The following ITPKC variants were observed in gnomAD, a reference collection of about 807,000 sequenced individuals.
The protein encoded by ITPKC is inositol-trisphosphate 3-kinase C.
In ITPKC, 33 loss-of-function variants were observed where a neutral mutation model predicts 67.1. The ratio of observed to expected loss-of-function variants is 0.49; its 90% CI spans 0.37 to 0.66. The LOEUF is 0.66. Ranked by LOEUF, ITPKC falls within the 30% of genes least tolerant of loss-of-function variation. The pLI is 0.00. For synonymous variants in ITPKC, 341 were observed against 359.8 expected (o/e 0.95, Z 0.59); for missense variants, 820 against 892.1 (o/e 0.92, Z 1.03).
intron 1 of ITPKC, among the ~76,000 whole-genome samples, chr19:40,721,433 A>G (rs1352350149): frequency 6.6e-6 from 1 of 150,422 alleles, no homozygotes; most frequent in Non-Finnish European, 1.5e-5. Flanking sequence ...TGCAGTGGCG[A>G]GATCTCAGTT....
intron 2 of ITPKC, among the ~76,000 whole-genome samples, chr19:40,726,615 C>T (rs189752343): frequency 6.6e-6 from 1 of 152,082 alleles, no homozygotes; most frequent in African/African-American, 2.4e-5. Context: ...TGGCAAATGG[C>T]GACAGTAAGA....
At position 40,739,557 on chromosome 19, in the gene ITPKC, C is replaced by G; in HGVS notation, c.2049C>G (p.Ser683Arg). Residue 683 changes from serine to arginine, a missense_variant, in exon 7 of 7, where the codon AGC becomes AGG. By Grantham distance (110) the Ser-to-Arg change is moderately radical (BLOSUM62 -1). Transcript: ENST00000263370. ...MICLLQGLAQ[S>R] The stretch of plus-strand genomic sequence containing the variant: ...GCCTCCTGCAGGGGCTGGCACAGAG[C>G]TGAGCTGCTCAGCCACCATCAGGTT... 1 of 1,612,416 alleles carries G rather than the reference C, an allele frequency of 6.2e-7. No homozygotes were observed. The highest frequency in any genetic ancestry group is 8.5e-7 in the Non-Finnish European group (1 of 1,179,454).
chr19:40,728,257 C>T (rs2082255327), intron 2 of ITPKC, among the ~76,000 whole-genome samples: 2 of 151,586 alleles, frequency 1.3e-5, no homozygotes, highest in Admixed American at 1.3e-4. Flanking sequence ...TGGGGGTGCA[C>T]ACCTGTAGTC....
chr19:40,727,347 T>TAAATA (rs1555762397), intron 2 of ITPKC, among the ~76,000 whole-genome samples: 9 of 148,030 alleles, frequency 6.1e-5, no homozygotes, highest in South Asian at 2.1e-4. Context: ...AATAAATAAA[T>TAAATA]AAATAAAATA....
At position 40,734,109 on chromosome 19, in the gene ITPKC, T is replaced by C. The variant is rs528389902; in HGVS notation, c.1674+745T>C. ...AAATGGAGTTGTAGATCCGAAATGT[T>C]CCTCAGTACGCATACTGATTGGTAC... On this transcript the variant is annotated intron_variant, in intron 4 of 6. Transcript: ENST00000263370. Among the ~76,000 whole-genome samples the C allele has an allele frequency of 2.0e-5, 3 of 152,266 alleles. No homozygotes were observed. The South Asian group carries it at 6.2e-4, about 32-fold the overall frequency.
rs770271542 is a variant in ITPKC, at chr19:40,739,463, G to A, written c.1955G>A (p.Ser652Asn). Residue 652 changes from serine (S) to asparagine (N), a missense_variant, in exon 7 of 7, where the codon AGC (serine) becomes AAC (asparagine). This residue lies in a region of ITPKC where 339 missense variants were observed against 422.0 expected (regional missense o/e 0.80). Transcript: ENST00000263370. ...GCCTTGCCCGACCACCAGACGCTCA[G>A]CCACAGGCTGCCCTGGGCTGAGGGC... ...TVALPDHQTL[S>N]HRLPWAEGNR... 1.9e-5 allele frequency: 30 copies of A among 1,613,486 alleles called. No individual in the cohort carries two copies. The highest frequency in any genetic ancestry group is 2.2e-5 in the Non-Finnish European group (26 of 1,180,026).
chr19:40,721,068 C>T (rs2082219914), intron 1 of ITPKC, among the ~76,000 whole-genome samples: 1 of 152,030 alleles, frequency 6.6e-6, no homozygotes, highest in Non-Finnish European at 1.5e-5. Flanking sequence ...CTATCCTATT[C>T]TTCTAATGAG....
Position 40,717,180 on chromosome 19 carries a change from C to T in ITPKC, c.45C>T (p.Ala15=). The change falls in exon 1 of 7, where the codon GCC becomes GCT. Residue 15 remains alanine, a synonymous_variant. Coordinates refer to ENST00000263370, the MANE Select transcript of ITPKC (RefSeq NM_025194.3). ...PCRGSLNEAE[A]GALPAAARMG... ...GTGGGAGCCTGAACGAGGCGGAGGC[C>T]GGGGCGCTGCCCGCGGCGGCCCGCA... is the stretch of plus-strand genomic sequence containing the variant. The T allele has an allele frequency of 8.2e-7, 1 of 1,226,470 alleles. No homozygotes were observed. Among genetic ancestry groups the T allele is most frequent in the Non-Finnish European group, 1.0e-6 (1 of 984,870 alleles). 76.0% of individuals were successfully genotyped at this position (1,226,470 alleles called of 1,614,324 possible).
intron 6 of ITPKC, among the ~76,000 whole-genome samples, chr19:40,738,905 T>C (rs1467118204): frequency 6.6e-6 from 1 of 151,914 alleles, no homozygotes; most frequent in Non-Finnish European, 1.5e-5. Flanking sequence ...GGCTCCTAGG[T>C]GACTAGTGGG....
At position 40,739,684 on chromosome 19, in the gene ITPKC, C is replaced by T; in HGVS notation, c.*124C>T. ...CCTCCAGGGACGGGAGAGATTGTGT[C>T]ATGTGCCACACGAGACCAACGTGGA... is the stretch of plus-strand genomic sequence containing the variant. On this transcript the variant is annotated 3_prime_UTR_variant, in exon 7 of 7. Transcript: ENST00000263370. 1 of 823,070 alleles carries T rather than the reference C, an allele frequency of 1.2e-6. No individual in the cohort carries two copies. 51.0% of individuals were successfully genotyped at this position (823,070 alleles called of 1,614,324 possible). A position where few individuals can be genotyped will look rare whatever the true frequency, so the allele number is the denominator to read the frequency against.
Position 40,729,189 on chromosome 19 carries a change from C to T in ITPKC, c.1256-13C>T, listed in dbSNP as rs1225738117. ...CCAGTTCCTGATCCTCTCATTTATT[C>T]TACCACCTTTAGGGAACTTCCAGGC... On this transcript the variant is annotated splice_polypyrimidine_tract_variant and intron_variant, in intron 2 of 6. Coordinates refer to ENST00000263370, the MANE Select transcript of ITPKC (RefSeq NM_025194.3). The T allele has an allele frequency of 4.3e-6, 7 of 1,609,412 alleles. No individual in the cohort carries two copies. Among genetic ancestry groups the T allele is most frequent in the South Asian group, 1.1e-5 (1 of 90,958 alleles).
chr19:40,739,659 C>A lies in ITPKC; in HGVS notation c.*99C>A. On this transcript the variant is annotated 3_prime_UTR_variant, in exon 7 of 7. Coordinates refer to ENST00000263370, the MANE Select transcript of ITPKC (RefSeq NM_025194.3). The stretch of plus-strand genomic sequence containing the variant: ...CTGAGGTTGGCCACGGGGGAGCTGG[C>A]CTCCAGGGACGGGAGAGATTGTGTC... 9.6e-7 allele frequency: 1 copy of A among 1,046,874 alleles called. No homozygotes were observed. The highest frequency in any genetic ancestry group is 1.4e-6 in the Non-Finnish European group (1 of 718,986). The allele number at this position is 1,046,874 out of a possible 1,614,324, so 64.8% of individuals were successfully genotyped here.
chr19:40,729,352 A>G lies in ITPKC; in HGVS notation c.1406A>G (p.Gln469Arg). 1.2e-6 allele frequency: 2 copies of G among 1,614,168 alleles called. No individual in the cohort carries two copies. The highest frequency in any genetic ancestry group is 1.7e-6 in the Non-Finnish European group (2 of 1,180,012). ...MVLQDGQTFN[Q>R]MEDLLADFEG... is the part of the protein sequence containing the mutation. The stretch of plus-strand genomic sequence containing the variant: ...CTGCAGGATGGCCAGACCTTCAACC[A>G]GATGGAAGACCTCCTGGCTGACTTT... The change falls in exon 3 of 7, where the codon CAG becomes CGG. Residue 469 changes from glutamine (Q) to arginine (R), a missense_variant. This residue lies in a region of ITPKC where 339 missense variants were observed against 422.0 expected (regional missense o/e 0.80). Coordinates refer to ENST00000263370, the MANE Select transcript of ITPKC (RefSeq NM_025194.3).
chr19:40,732,239 C>CA (rs1202395500), intron 3 of ITPKC, among the ~76,000 whole-genome samples: 4,726 of 45,966 alleles, frequency 0.1, 229 homozygotes, highest in East Asian at 0.31. Context: ...GACTCCATCT[C>CA]AAAAAAAAAA....
chr19:40,722,302 T>C (rs1389002064), intron 1 of ITPKC, among the ~76,000 whole-genome samples: 1 of 152,134 alleles, frequency 6.6e-6, no homozygotes, highest in Admixed American at 6.6e-5. Context: ...GACGATAATC[T>C]CCCTGGGGTT....
In ITPKC at chr19:40,729,280, T is replaced by A; in HGVS notation, c.1334T>A (p.Met445Lys). ...QCEQRSLEQL[M>K]KDPLRPFVPA... ...GAGCAGCGCAGCCTGGAGCAGCTGA[T>A]GAAAGACCCGCTGCGACCTTTCGTG... The change falls in exon 3 of 7, where the codon ATG becomes AAG. Residue 445 changes from methionine (M) to lysine (K), a missense_variant. This residue lies in a region of ITPKC where 339 missense variants were observed against 422.0 expected (regional missense o/e 0.80). Transcript: ENST00000263370. 1 of 1,614,182 alleles carries A rather than the reference T, an allele frequency of 6.2e-7. No homozygotes were observed.
chr19:40,730,467 T>G (rs970979785), intron 3 of ITPKC, among the ~76,000 whole-genome samples: 2 of 152,232 alleles, frequency 1.3e-5, no homozygotes, highest in Admixed American at 1.3e-4. Flanking sequence ...AGTCTCATTC[T>G]GTTGCCCCGA....
rs1293085301 is a variant in ITPKC, at chr19:40,717,649, C to T, written c.514C>T (p.Pro172Ser). The change falls in exon 1 of 7, where the codon CCC becomes TCC. Residue 172 changes from proline to serine, a missense_variant. Pro to Ser is a moderately conservative substitution (Grantham distance 74). Around this residue, in one of 2 missense-constraint regions of ITPKC, gnomAD observed 481 missense variants for 470.1 expected, o/e 1.02. Coordinates refer to ENST00000263370, the MANE Select transcript of ITPKC (RefSeq NM_025194.3). ...SPWTQPGVHG[P>S]WTELETHGSQ... ...CTGGACACAGCCAGGGGTTCATGGG[C>T]CCTGGACAGAGCTGGAAACGCATGG... 6.2e-7 allele frequency: 1 copy of T among 1,614,016 alleles called. No homozygotes were observed. The highest frequency in any genetic ancestry group is 2.2e-5 in the East Asian group (1 of 44,890).
At chr19:40,719,210 G>T (rs1360721905) in intron 1 of ITPKC, among the ~76,000 whole-genome samples, 1 of 152,130 alleles carries the variant, frequency 6.6e-6, no homozygotes, top group Non-Finnish European at 1.5e-5. Context: ...CCTTGGGGAC[G>T]TGTTCACACA....
Sources: gnomAD v4.1 joint callset for allele counts (sites outside exome capture counted in the v4.1 genomes callset) on GRCh38, gnomAD v4.1.1 for gene constraint, gnomAD v4.1.1 regional missense constraint, MANE v1.5 for transcripts, NCBI Gene and HGNC (gene_info 2026-07-23, HGNC 2026-07-21) for gene names.